NEK6: variants seen among roughly 807,000 people sequenced by gnomAD.
NEK6 encodes the protein serine/threonine-protein kinase Nek6.
Under a neutral mutation model 43.5 loss-of-function variants are expected in NEK6, and 27 were observed. The ratio of observed to expected loss-of-function variants is 0.62; its 90% CI spans 0.46 to 0.86. The LOEUF is 0.86. Ranked by LOEUF, NEK6 falls within the 40% of genes least tolerant of loss-of-function variation. NEK6 has a pLI of 0.00. For missense variants in NEK6, 318 were observed against 414.4 expected (o/e 0.77, Z 2.02); for synonymous variants, 167 against 164.1 (o/e 1.02, Z -0.14).
chr9:124,274,704 A>G (rs576971487), intron 1 of NEK6, among the ~76,000 whole-genome samples: 1 of 152,322 alleles, frequency 6.6e-6, no homozygotes, highest in Admixed American at 6.5e-5. Context: ...AATGCTGAAT[A>G]TCATGTATTC....
intron 1 of NEK6, among the ~76,000 whole-genome samples, chr9:124,276,738 C>T (rs7042263): frequency 0.6 from 92,027 of 152,194 alleles, 28,076 homozygotes; most frequent in East Asian, 0.79. Flanking sequence ...TATTGTGGCT[C>T]GTTCATCAGA....
intron 1 of NEK6, among the ~76,000 whole-genome samples, chr9:124,297,848 C>G (rs369031532): frequency 1.0e-3 from 154 of 152,342 alleles, no homozygotes; most frequent in African/African-American, 3.2e-3. Context: ...GCTCGTCCTT[C>G]CACGTCCCCT....
chr9:124,263,303 C>T (rs761247614), intron 1 of NEK6, among the ~76,000 whole-genome samples: 32 of 152,266 alleles, frequency 2.1e-4, no homozygotes, highest in Non-Finnish European at 3.7e-4. Context: ...ATCTGTTTCA[C>T]GGAACAGAAC....
chr9:124,280,911 GC>G (rs1831875745), intron 1 of NEK6, among the ~76,000 whole-genome samples: 1 of 152,098 alleles, frequency 6.6e-6, no homozygotes, highest in Non-Finnish European at 1.5e-5. Context: ...TCCCACCTCA[GC>G]CTCCCAAGCA....
rs537751336 is a variant in NEK6 at position 124,343,627 on chromosome 9, T to C, written c.717+3962T>C. ...CACATCTGAGCCCACGGCCATGTAA[T>C]TGGAAAGAGGCCTCCCGCAGTCACG... On this transcript the variant is annotated intron_variant, in intron 8 of 9. Coordinates refer to ENST00000320246, the MANE Select transcript of NEK6 (RefSeq NM_014397.6). The surrounding 1 kb of genome is among the most constrained non-coding windows in gnomAD (Gnocchi z 5.1). Among the ~76,000 whole-genome samples the C allele has an allele frequency of 1.3e-5, 2 of 152,218 alleles. No homozygotes were observed. The highest frequency in any genetic ancestry group is 2.4e-5 in the African/African-American group (1 of 41,542).
intron 1 of NEK6, among the ~76,000 whole-genome samples, chr9:124,258,915 C>T (rs1013543392): frequency 7.9e-5 from 12 of 152,254 alleles, no homozygotes; most frequent in African/African-American, 2.9e-4. Flanking sequence ...TCCTAAATAT[C>T]CTCCAGGCTC....
intron 1 of NEK6, among the ~76,000 whole-genome samples, chr9:124,297,521 G>C (rs1040381601): frequency 6.6e-6 from 1 of 152,206 alleles, no homozygotes; most frequent in Non-Finnish European, 1.5e-5. Context: ...GGTGCCTGGG[G>C]ACACACAGCA....
chr9:124,296,583 C>T lies in NEK6; in HGVS notation c.-29-5353C>T, dbSNP rs373713324. Among the ~76,000 whole-genome samples, 427 of 152,304 alleles carry T rather than the reference C, an allele frequency of 2.8e-3. 5 individuals are homozygous for T. Among genetic ancestry groups the T allele is most frequent in the African/African-American group, 9.8e-3 (407 of 41,560 alleles). On this transcript the variant is annotated intron_variant, in intron 1 of 9. Transcript: ENST00000320246. ...CAGAAGAGGCAGGCAGGACACACAC[C>T]GTTACCACCTCCAGGGTTCAGAGCA...
At chr9:124,287,122 C>T (rs1022730065) in intron 1 of NEK6, among the ~76,000 whole-genome samples, 1 of 152,140 alleles carries the variant, frequency 6.6e-6, no homozygotes, top group African/African-American at 2.4e-5. Context: ...GGGTCAGGAG[C>T]GTACAGGGTG....
chr9:124,333,543 C>T (rs1829126631), intron 7 of NEK6, among the ~76,000 whole-genome samples: 1 of 152,180 alleles, frequency 6.6e-6, no homozygotes, highest in Non-Finnish European at 1.5e-5. Context: ...CTTTCTTTAC[C>T]TTTCCGTTGC....
At position 124,350,935 on chromosome 9, in the gene NEK6, G is replaced by A. The variant is rs1830242754; in HGVS notation, c.930G>A (p.Met310Ile). The A allele has an allele frequency of 3.7e-6, 6 of 1,608,684 alleles. No individual in the cohort carries two copies. The East Asian group carries it at 1.3e-4, about 36-fold the overall frequency. ...TGGCCAAGCAGATGCACATCTGGAT[G>A]TCCAGCACCTGAGCGTGGATGCACC... ...HQVAKQMHIWMSST is the reference protein window; with the variant it reads ...HQVAKQMHIWISST Residue 310 changes from methionine (M) to isoleucine (I), a missense_variant, in exon 10 of 10, where the codon ATG (methionine) becomes ATA (isoleucine). By Grantham distance (10) the Met-to-Ile change is conservative (BLOSUM62 1). Coordinates refer to ENST00000320246, the MANE Select transcript of NEK6 (RefSeq NM_014397.6).
chr9:124,307,761 G>T (rs1218052940), intron 2 of NEK6, among the ~76,000 whole-genome samples: 2 of 152,198 alleles, frequency 1.3e-5, no homozygotes, highest in Non-Finnish European at 2.9e-5. Context: ...TTGACAAATG[G>T]TCCTGGGTGA....
intron 1 of NEK6, among the ~76,000 whole-genome samples, chr9:124,300,399 G>T (rs1328881260): frequency 1.3e-5 from 2 of 152,140 alleles, no homozygotes; most frequent in African/African-American, 4.8e-5. Flanking sequence ...GGGGGCGTGG[G>T]TCTACCTGGG....
At chr9:124,346,204 C>T (rs1438669493) in intron 8 of NEK6, among the ~76,000 whole-genome samples, 7 of 152,232 alleles carry the variant, frequency 4.6e-5, no homozygotes, top group Non-Finnish European at 1.0e-4. Flanking sequence ...AGTCTCCAGG[C>T]TGCACTCAGC....
intron 1 of NEK6, chr9:124,299,853 G>A (rs1177223954): frequency 6.6e-6 from 1 of 151,986 alleles, no homozygotes; most frequent in Non-Finnish European, 1.5e-5. Flanking sequence ...AGTTTCTGCA[G>A]CTTCCCAAGC....
chr9:124,317,354 C>T (rs1833869354), intron 4 of NEK6, among the ~76,000 whole-genome samples: 1 of 152,112 alleles, frequency 6.6e-6, no homozygotes, highest in Non-Finnish European at 1.5e-5. Flanking sequence ...GCTGGAATAA[C>T]AGGTGTGCAC....
At chr9:124,333,847 G>T (rs564650591) in intron 7 of NEK6, among the ~76,000 whole-genome samples, 1 of 145,776 alleles carries the variant, frequency 6.9e-6, no homozygotes, top group Admixed American at 7.2e-5. Flanking sequence ...GTGCGATCTC[G>T]GCTCACTACA....
chr9:124,307,532 G>A (rs984439406), intron 2 of NEK6, among the ~76,000 whole-genome samples: 4 of 152,156 alleles, frequency 2.6e-5, no homozygotes, highest in South Asian at 2.1e-4. Context: ...CTTCTCCCTC[G>A]TGCCCACGGT....
At chr9:124,347,368 C>T (rs1194870541) in intron 8 of NEK6, among the ~76,000 whole-genome samples, 2 of 152,260 alleles carry the variant, frequency 1.3e-5, no homozygotes, top group African/African-American at 2.4e-5. Context: ...AGACCATGCA[C>T]TCGGCAACCT....
Sources: allele counts gnomAD v4.1 joint callset (sites outside exome capture counted in the v4.1 genomes callset), GRCh38; gene constraint gnomAD v4.1.1; non-coding constraint Gnocchi (gnomAD v3.1); transcripts MANE v1.5; gene names NCBI Gene and HGNC (gene_info 2026-07-23, HGNC 2026-07-21).